Variants in XRCC4 observed in about 807,000 individuals in gnomAD.
XRCC4 encodes the protein DNA repair protein XRCC4.
Under a neutral mutation model 39.1 loss-of-function variants are expected in XRCC4, and 28 were observed. The observed-to-expected ratio is 0.72, with a 90% CI of 0.53 to 0.98. The LOEUF is 0.98. XRCC4 is among the 50% of genes least tolerant of loss of function. The pLI, the probability that XRCC4 is intolerant of heterozygous loss-of-function variation, is 0.00. For missense variants in XRCC4, 350 were observed against 376.4 expected (o/e 0.93, Z 0.58); for synonymous variants, 123 against 126.4 (o/e 0.97, Z 0.18).
At chr5:83,255,087 C>CAAAAAA (rs564311242) in intron 6 of XRCC4, among the ~76,000 whole-genome samples, 1 of 130,124 alleles carries the variant, frequency 7.7e-6, no homozygotes. Flanking sequence ...AATTCCGTCT[C>CAAAAAA]AAAAAAGAAA....
chr5:83,191,662 T>C (rs772400618), intron 3 of XRCC4, among the ~76,000 whole-genome samples: 19 of 152,206 alleles, frequency 1.2e-4, no homozygotes, highest in Admixed American at 9.8e-4. Flanking sequence ...ATCATGCCAC[T>C]GTACTCTAGC....
intron 6 of XRCC4, among the ~76,000 whole-genome samples, chr5:83,216,533 G>A (rs2112773480): frequency 1.3e-5 from 2 of 152,232 alleles, no homozygotes; most frequent in Middle Eastern, 3.4e-3. Flanking sequence ...CAGAGCATTA[G>A]TAATAATAAC....
At chr5:83,118,622 A>T (rs898395705) in intron 3 of XRCC4, among the ~76,000 whole-genome samples, 4 of 152,184 alleles carry the variant, frequency 2.6e-5, no homozygotes, top group Admixed American at 2.0e-4. Flanking sequence ...CCCAAATTTG[A>T]TACATTCCTT....
chr5:83,124,089 A>C (rs1331050903), intron 3 of XRCC4, among the ~76,000 whole-genome samples: 1 of 152,078 alleles, frequency 6.6e-6, no homozygotes, highest in Non-Finnish European at 1.5e-5. Context: ...TAAACTACAG[A>C]CTGTACACAG....
At chr5:83,262,593 A>T (rs1402201824) in intron 7 of XRCC4, among the ~76,000 whole-genome samples, 1 of 152,132 alleles carries the variant, frequency 6.6e-6, no homozygotes, top group African/African-American at 2.4e-5. Flanking sequence ...GAATACAGAT[A>T]TAAAATAAAT....
At chr5:83,122,324 T>C (rs532159732) in intron 3 of XRCC4, among the ~76,000 whole-genome samples, 2 of 152,238 alleles carry the variant, frequency 1.3e-5, no homozygotes, top group African/African-American at 4.8e-5. Flanking sequence ...TAGGTCAGTG[T>C]TTCCTACCCA....
chr5:83,196,066 G>A, intron 4 of XRCC4, 130 bp downstream of exon 4: 1 of 900,150 alleles, frequency 1.1e-6, no homozygotes, highest in Non-Finnish European at 1.5e-6. Flanking sequence ...AACTGAATAT[G>A]ATTAAACGAA....
chr5:83,185,715 C>G (rs1750410106), intron 3 of XRCC4, among the ~76,000 whole-genome samples: 1 of 151,838 alleles, frequency 6.6e-6, no homozygotes, highest in South Asian at 2.1e-4. Flanking sequence ...ATAGCAAGCT[C>G]AAAAGCATAC....
intron 7 of XRCC4, among the ~76,000 whole-genome samples, chr5:83,301,726 T>C (rs943693293): frequency 1.1e-4 from 17 of 152,236 alleles, no homozygotes; most frequent in Middle Eastern, 6.3e-3. Flanking sequence ...TTTAAGTCTT[T>C]AATCCATCTT....
chr5:83,084,073 A>G (rs1343016483), intron 1 of XRCC4, among the ~76,000 whole-genome samples: 5 of 152,168 alleles, frequency 3.3e-5, no homozygotes, highest in African/African-American at 4.8e-5. Flanking sequence ...ATCCTGGTAC[A>G]TAGGAAGTAA....
At chr5:83,101,417 A>G in intron 1 of XRCC4, among the ~76,000 whole-genome samples, 1 of 152,140 alleles carries the variant, frequency 6.6e-6, no homozygotes, top group East Asian at 1.9e-4. Context: ...TCTGGGCAAG[A>G]TTCTAGAGTG....
intron 7 of XRCC4, among the ~76,000 whole-genome samples, chr5:83,270,514 CT>C (rs933259582): frequency 2.6e-5 from 4 of 152,004 alleles, no homozygotes; most frequent in African/African-American, 7.2e-5. Flanking sequence ...AGCCTACTCC[CT>C]TTTTTTCCCA....
At chr5:83,193,241 C>T (rs185943091) in intron 3 of XRCC4, among the ~76,000 whole-genome samples, 341 of 151,604 alleles carry the variant, frequency 2.2e-3, no homozygotes, top group Admixed American at 4.9e-3. Flanking sequence ...GGCTATGCAC[C>T]GTGTGTATAC....
At chr5:83,092,979 A>G (rs1231246205) in intron 1 of XRCC4, among the ~76,000 whole-genome samples, 2 of 151,184 alleles carry the variant, frequency 1.3e-5, no homozygotes, top group Non-Finnish European at 2.9e-5. Flanking sequence ...TAAACGGATT[A>G]TATTCTCCTA....
intron 6 of XRCC4, among the ~76,000 whole-genome samples, chr5:83,243,413 A>G (rs189269417): frequency 3.6e-3 from 541 of 152,316 alleles, no homozygotes; most frequent in Non-Finnish European, 6.0e-3. Flanking sequence ...TGACTGGCAC[A>G]TGGCTACCTT....
At chr5:83,268,784 C>G (rs1232235957) in intron 7 of XRCC4, among the ~76,000 whole-genome samples, 1 of 152,042 alleles carries the variant, frequency 6.6e-6, no homozygotes, top group Non-Finnish European at 1.5e-5. Flanking sequence ...AGTATTTGCC[C>G]TAGGACCATG....
intron 1 of XRCC4, 135 bp from the exon 2 acceptor site, chr5:83,104,775 A>T (rs1362850901): frequency 9.3e-6 from 6 of 645,492 alleles, no homozygotes; most frequent in Non-Finnish European, 1.6e-5. Flanking sequence ...CTAATGGTTG[A>T]ACCTATTATA....
intron 2 of XRCC4, among the ~76,000 whole-genome samples, chr5:83,110,553 G>C (rs1746394180): frequency 6.6e-6 from 1 of 151,912 alleles, no homozygotes; most frequent in Non-Finnish European, 1.5e-5. Context: ...CATATTTTCT[G>C]TTGTTGGCAC....
chr5:83,237,638 T>A (rs1752740963), intron 6 of XRCC4, among the ~76,000 whole-genome samples: 1 of 152,022 alleles, frequency 6.6e-6, no homozygotes, highest in Non-Finnish European at 1.5e-5. Context: ...TACAATTAAA[T>A]AGGAGAAATA....
Sources: allele counts gnomAD v4.1 joint callset (sites outside exome capture counted in the v4.1 genomes callset), GRCh38; gene constraint gnomAD v4.1.1; transcripts MANE v1.5; gene names NCBI Gene and HGNC (gene_info 2026-07-23, HGNC 2026-07-21).